FLRT2: variants seen among roughly 807,000 people sequenced by gnomAD.
FLRT2 encodes fibronectin leucine rich transmembrane protein 2.
In FLRT2, 15 loss-of-function variants were observed where a neutral mutation model predicts 40.0. The ratio of observed to expected loss-of-function variants is 0.38; its 90% CI spans 0.25 to 0.58. The LOEUF is 0.58. Among genes scored for constraint, FLRT2 ranks in the 20% least tolerant of loss-of-function variants. The pLI, the probability that FLRT2 is intolerant of heterozygous loss-of-function variation, is 0.71. For synonymous variants in FLRT2, 380 were observed against 336.8 expected, an observed-to-expected ratio of 1.13 and a Z score of -1.41; for missense variants, 726 against 840.0, an observed-to-expected ratio of 0.86 and a Z score of 1.68.
chr14:85,641,852 G>T lies in FLRT2; in HGVS notation c.*18355G>T, dbSNP rs1331403683. ...ATGGATCACTGATAATTTTTGGCTT[G>T]CAATGAGAAAAAAAAATCAGCAGCT... On this transcript the variant is annotated 3_prime_UTR_variant, in exon 2 of 2. Coordinates refer to ENST00000330753, the MANE Select transcript of FLRT2 (RefSeq NM_013231.6). 7.0e-6 allele frequency: 1 copy of T among 143,540 alleles called. No homozygotes were observed. Among genetic ancestry groups the T allele is most frequent in the African/African-American group, 2.6e-5 (1 of 37,958 alleles). The allele number at this position is 143,540 out of a possible 1,614,324, so 8.9% of individuals were successfully genotyped here.
At chr14:85,546,530 G>A (rs2139817721) in intron 1 of FLRT2, among the ~76,000 whole-genome samples, 1 of 152,268 alleles carries the variant, frequency 6.6e-6, no homozygotes, top group Admixed American at 6.5e-5. Flanking sequence ...CCACATGAAA[G>A]CACCAGCAGC....
At position 85,625,567 on chromosome 14, in the gene FLRT2, A is replaced by G. The variant is rs1320874161; in HGVS notation, c.*2070A>G. The G allele has an allele frequency of 6.0e-6, 1 of 166,916 alleles. No homozygotes were observed. Among genetic ancestry groups the G allele is most frequent in the Non-Finnish European group, 1.5e-5 (1 of 68,102 alleles). The allele number at this position is 166,916 out of a possible 1,614,324, so 10.3% of individuals were successfully genotyped here. Reference sequence around the variant, plus strand: ...ATTAATTTAAATTAATTCTAAAGTGACTCTGGTTTCCATTTTAGTCTATTA... The same window carrying G: ...ATTAATTTAAATTAATTCTAAAGTGGCTCTGGTTTCCATTTTAGTCTATTA... On this transcript the variant is annotated 3_prime_UTR_variant, in exon 2 of 2. Coordinates refer to ENST00000330753, the MANE Select transcript of FLRT2 (RefSeq NM_013231.6).
At chr14:85,612,438 A>G (rs1892931525) in intron 1 of FLRT2, among the ~76,000 whole-genome samples, 1 of 152,188 alleles carries the variant, frequency 6.6e-6, no homozygotes, top group African/African-American at 2.4e-5. Context: ...ATTCCTTAAG[A>G]GTATTGTGCA....
chr14:85,561,258 A>G (rs879456951), intron 1 of FLRT2: 1 of 152,170 alleles, frequency 6.6e-6, no homozygotes, highest in Non-Finnish European at 1.5e-5. Flanking sequence ...GGAGCTGTAC[A>G]TGTATCTGGA....
At chr14:85,537,643 T>C (rs976003525) in intron 1 of FLRT2, among the ~76,000 whole-genome samples, 1 of 151,710 alleles carries the variant, frequency 6.6e-6, no homozygotes, top group South Asian at 2.1e-4. Context: ...CAAGAACCAT[T>C]TTAAGACAGA....
At chr14:85,558,194 A>T (rs1210315455) in intron 1 of FLRT2, among the ~76,000 whole-genome samples, 1 of 152,124 alleles carries the variant, frequency 6.6e-6, no homozygotes, top group East Asian at 1.9e-4. Flanking sequence ...GTTTATTTTC[A>T]TTTGGGTTTA....
At chr14:85,542,231 A>G in intron 1 of FLRT2, among the ~76,000 whole-genome samples, 1 of 152,190 alleles carries the variant, frequency 6.6e-6, no homozygotes, top group East Asian at 1.9e-4. Context: ...ATACTTCTGA[A>G]CAAATAGCAG....
chr14:85,553,211 G>A (rs1299285093), intron 1 of FLRT2, among the ~76,000 whole-genome samples: 3 of 152,158 alleles, frequency 2.0e-5, no homozygotes, highest in African/African-American at 7.2e-5. Flanking sequence ...AAATAATTTA[G>A]TGTTGTGCAG....
chr14:85,618,934 G>A (rs1893259724), intron 1 of FLRT2, among the ~76,000 whole-genome samples: 1 of 152,018 alleles, frequency 6.6e-6, no homozygotes, highest in African/African-American at 2.4e-5. Flanking sequence ...GATGCCATCA[G>A]GCTGATAGCA....
At chr14:85,549,193 G>A in intron 1 of FLRT2, among the ~76,000 whole-genome samples, 1 of 152,086 alleles carries the variant, frequency 6.6e-6, no homozygotes, top group East Asian at 1.9e-4. Context: ...CCCAGGTACG[G>A]GTGCAAGAGA....
At chr14:85,593,710 A>T (rs958079663) in intron 1 of FLRT2, among the ~76,000 whole-genome samples, 4 of 152,078 alleles carry the variant, frequency 2.6e-5, no homozygotes, top group African/African-American at 9.7e-5. Context: ...TTCCCCTTTA[A>T]TTGAAACAAT....
At chr14:85,555,714 T>TA (rs1266649906) in intron 1 of FLRT2, among the ~76,000 whole-genome samples, 1 of 150,642 alleles carries the variant, frequency 6.6e-6, no homozygotes, top group African/African-American at 2.4e-5. Context: ...TTATTTTATT[T>TA]TATTTTATTT....
chr14:85,550,223 G>A (rs1341915711), intron 1 of FLRT2, among the ~76,000 whole-genome samples: 2 of 152,038 alleles, frequency 1.3e-5, no homozygotes, highest in Non-Finnish European at 2.9e-5. Flanking sequence ...CACTATAAAC[G>A]AGAAAATAGC....
chr14:85,605,567 G>A (rs370337325), intron 1 of FLRT2, among the ~76,000 whole-genome samples: 7 of 152,072 alleles, frequency 4.6e-5, no homozygotes, highest in Admixed American at 6.5e-5. Context: ...TCAGGAGATC[G>A]AGACCATCCT....
At chr14:85,548,600 C>G (rs745613428) in intron 1 of FLRT2, among the ~76,000 whole-genome samples, 69 of 152,336 alleles carry the variant, frequency 4.5e-4, no homozygotes, top group South Asian at 1.7e-3. Flanking sequence ...AAACCATAGA[C>G]TAGCTTGCTG....
At chr14:85,613,403 G>A (rs1285751324) in intron 1 of FLRT2, among the ~76,000 whole-genome samples, 1 of 152,166 alleles carries the variant, frequency 6.6e-6, no homozygotes. Flanking sequence ...CTAGTTGCAT[G>A]TTCTATGCCT....
intron 1 of FLRT2, among the ~76,000 whole-genome samples, chr14:85,539,052 G>A (rs919196640): frequency 2.6e-5 from 4 of 152,088 alleles, no homozygotes; most frequent in Non-Finnish European, 5.9e-5. Context: ...GTGCATAGGG[G>A]CCATAGAGGT....
intron 1 of FLRT2, among the ~76,000 whole-genome samples, chr14:85,602,608 C>T (rs891387884): frequency 3.9e-5 from 6 of 152,124 alleles, no homozygotes; most frequent in Non-Finnish European, 8.8e-5. Flanking sequence ...GGCAAATGTT[C>T]CAATTATGAA....
chr14:85,612,645 A>G (rs1033527800), intron 1 of FLRT2, among the ~76,000 whole-genome samples: 1 of 152,218 alleles, frequency 6.6e-6, no homozygotes, highest in Non-Finnish European at 1.5e-5. Context: ...TGTTCCTCAA[A>G]TCCAGAAATA....
Sources: gnomAD v4.1 joint callset for allele counts (sites outside exome capture counted in the v4.1 genomes callset) on GRCh38, gnomAD v4.1.1 for gene constraint, MANE v1.5 for transcripts, NCBI Gene and HGNC (gene_info 2026-07-23, HGNC 2026-07-21) for gene names.